MYH2: variants seen among roughly 807,000 people sequenced by gnomAD.
MYH2 encodes myosin-2.
In MYH2, 139 loss-of-function variants were observed where a neutral mutation model predicts 228.1. That is an observed-to-expected ratio of 0.61 (90% CI 0.53 to 0.70). The LOEUF is 0.70. Ranked by LOEUF, MYH2 falls within the 30% of genes least tolerant of loss-of-function variation. MYH2 has a pLI of 0.00. For synonymous variants in MYH2, 796 were observed against 871.1 expected, an observed-to-expected ratio of 0.91 and a Z score of 1.52; for missense variants, 1,809 against 2,357.5, an observed-to-expected ratio of 0.77 and a Z score of 4.82.
chr17:10,527,478 A>G (rs1326360451), intron 28 of MYH2, among the ~76,000 whole-genome samples: 3 of 152,190 alleles, frequency 2.0e-5, no homozygotes, highest in Non-Finnish European at 4.4e-5. Context: ...GAAGCCCTGA[A>G]CTCATGCTGG....
intron 8 of MYH2, among the ~76,000 whole-genome samples, chr17:10,543,366 G>A (rs2073582783): frequency 6.6e-6 from 1 of 152,120 alleles, no homozygotes; most frequent in South Asian, 2.1e-4. Context: ...AGTATGTGAA[G>A]TAATGGATAT....
intron 8 of MYH2, among the ~76,000 whole-genome samples, chr17:10,543,371 G>A (rs2073582817): frequency 6.6e-6 from 1 of 152,012 alleles, no homozygotes; most frequent in South Asian, 2.1e-4. Flanking sequence ...GTGAAGTAAT[G>A]GATATGTTAA....
In MYH2 at chr17:10,524,791, A is replaced by G; in HGVS notation, c.4937T>C (p.Leu1646Pro). Residue 1646 changes from leucine (L) to proline (P), a missense_variant, in exon 34 of 40, where the codon CTG (leucine) becomes CCG (proline). Leu to Pro is a moderately conservative substitution (Grantham distance 98). Transcript: ENST00000245503. The surrounding 1 kb of genome is among the most constrained non-coding windows in gnomAD (Gnocchi z 4.7). Reference protein sequence around the residue: ...NHANRMAAEALRNYRNTQGIL... With the variant: ...NHANRMAAEAPRNYRNTQGIL... ...GCCTTGGGTGTTCCTGTAGTTCCTC[A>G]GGGCCTCAGCAGCCATGCGGTTGGC... 3.1e-6 allele frequency: 5 copies of G among 1,614,152 alleles called. No individual in the cohort carries two copies. The highest frequency in any genetic ancestry group is 4.2e-6 in the Non-Finnish European group (5 of 1,180,036).
At chr17:10,539,170 T>A in intron 14 of MYH2, 35 bp downstream of exon 14, 1 of 1,613,802 alleles carries the variant, frequency 6.2e-7, no homozygotes, top group East Asian at 2.2e-5. Flanking sequence ...ATTGCCTTAC[T>A]GTAAAATCCT....
intron 22 of MYH2, among the ~76,000 whole-genome samples, chr17:10,530,278 C>T (rs1481340986): frequency 6.6e-6 from 1 of 152,162 alleles, no homozygotes; most frequent in East Asian, 1.9e-4. Context: ...CATTTTGTTC[C>T]CCTAAAAGAA....
intron 21 of MYH2, 138 bp downstream of exon 21, chr17:10,533,147 A>T (rs2073443650): frequency 1.6e-6 from 2 of 1,285,664 alleles, no homozygotes; most frequent in African/African-American, 1.5e-5. Flanking sequence ...GTTTTCTGGT[A>T]CATGTGTATT....
At position 10,531,657 on chromosome 17, in the gene MYH2, A is replaced by AT. The variant is rs763860580; in HGVS notation, c.2672dup (p.Asn891LysfsTer2). Reference sequence around the variant, plus strand: ...CAGCCTGAACTTGGAGCTGCAAGTCATTTTTTTCTTTCAACAGCGTCACCA... The same window carrying AT: ...CAGCCTGAACTTGGAGCTGCAAGTCATTTTTTTTCTTTCAACAGCGTCACCA... On this transcript the variant is annotated frameshift_variant, in exon 22 of 40. Transcript: ENST00000245503. LOFTEE classifies it high-confidence loss of function. 4.3e-6 allele frequency: 7 copies of AT among 1,613,890 alleles called. No individual in the cohort carries two copies. The highest frequency in any genetic ancestry group is 5.9e-6 in the Non-Finnish European group (7 of 1,180,004).
Position 10,526,655 on chromosome 17 carries a change from C to G in MYH2, c.4131G>C (p.Trp1377Cys). The change falls in exon 30 of 40, where the codon TGG becomes TGC. Residue 1377 changes from tryptophan (W) to cysteine (C), a missense_variant. By Grantham distance (215) the Trp-to-Cys change is radical. Transcript: ENST00000245503. The part of the protein sequence containing the change: ...LSKANTEVAQ[W>C]RTKYETDAIQ... Reference sequence around the variant, plus strand: ...TGGCGTCCGTCTCGTATTTGGTCCTCCATTGGGCAACCTCGGTGTTGGCCT... The same window carrying G: ...TGGCGTCCGTCTCGTATTTGGTCCTGCATTGGGCAACCTCGGTGTTGGCCT... 6.2e-7 allele frequency: 1 copy of G among 1,614,054 alleles called. No individual in the cohort carries two copies. The highest frequency in any genetic ancestry group is 8.5e-7 in the Non-Finnish European group (1 of 1,179,896).
In MYH2 at chr17:10,543,084, A is replaced by C. The variant is rs202055746; in HGVS notation, c.805+14T>G. On this transcript the variant is annotated intron_variant, in intron 9 of 39. Transcript: ENST00000245503. ...ATGAATCAGAAATGATTTTAAAGAT[A>C]TCTGAACACTTACATGTTTCAATAT... The C allele has an allele frequency of 6.2e-7, 1 of 1,607,770 alleles. No homozygotes were observed. Among genetic ancestry groups the C allele is most frequent in the Admixed American group, 1.7e-5 (1 of 60,014 alleles).
chr17:10,545,716 C>A (rs1471562119), intron 4 of MYH2, among the ~76,000 whole-genome samples: 1 of 152,120 alleles, frequency 6.6e-6, no homozygotes, highest in East Asian at 1.9e-4. Context: ...AGGCATGCAT[C>A]ACCATGCCCA....
In MYH2 at chr17:10,540,577, T is replaced by G; in HGVS notation, c.1008+17A>C. 6.4e-7 allele frequency: 1 copy of G among 1,571,220 alleles called. No homozygotes were observed. The highest frequency in any genetic ancestry group is 1.1e-5 in the South Asian group (1 of 90,082). ...TGACCCACCATAATAATTCCAATTTTCTTGTGTTCTACTTACATCTGTGGC... is the reference window on the plus strand; with the variant it reads ...TGACCCACCATAATAATTCCAATTTGCTTGTGTTCTACTTACATCTGTGGC... On this transcript the variant is annotated intron_variant, in intron 11 of 39. Transcript: ENST00000245503.
intron 22 of MYH2, 63 bp from the exon 23 acceptor site, chr17:10,530,137 G>C: frequency 6.2e-7 from 1 of 1,611,598 alleles, no homozygotes; most frequent in East Asian, 2.2e-5. Context: ...ATGGATAAGA[G>C]TGTATGTTTC....
At chr17:10,539,603 A>G in intron 12 of MYH2, 41 bp from the exon 13 acceptor site, 1 of 1,552,948 alleles carries the variant, frequency 6.4e-7, no homozygotes, top group Non-Finnish European at 8.9e-7. Context: ...TTGTGGCCCA[A>G]AGAAACCCAC....
rs762340171 is a variant in MYH2, at chr17:10,525,264, T to C, written c.4622A>G (p.Gln1541Arg). Residue 1541 changes from glutamine to arginine, a missense_variant, in exon 33 of 40, where the codon CAA becomes CGA. Coordinates refer to ENST00000245503, the MANE Select transcript of MYH2 (RefSeq NM_017534.6). This position sits in a 1 kb window ranked among gnomAD's most constrained non-coding sequence, Gnocchi z 4.2. ...ELEKIKKQVE[Q>R]EKCELQAALE... ...AGCAGCCTGAAGTTCACACTTTTCT[T>C]GTTCCACTTGTTTCTTTATTTTCTC... The C allele has an allele frequency of 1.9e-6, 3 of 1,614,214 alleles. No homozygotes were observed. Among genetic ancestry groups the C allele is most frequent in the Non-Finnish European group, 2.5e-6 (3 of 1,180,024 alleles).
At position 10,531,732 on chromosome 17, in the gene MYH2, T is replaced by C. The variant is rs1162237225; in HGVS notation, c.2598A>G (p.Lys866=). The C allele has an allele frequency of 1.2e-6, 2 of 1,614,240 alleles. No individual in the cohort carries two copies. The highest frequency in any genetic ancestry group is 3.3e-5 in the Admixed American group (2 of 60,032). The change falls in exon 22 of 40, where the codon AAA becomes AAG. Residue 866 remains lysine, a synonymous_variant. Coordinates refer to ENST00000245503, the MANE Select transcript of MYH2 (RefSeq NM_017534.6). ...ATMKEEFQKI[K]DELAKSEAKR... ...TTGCCTCTGACTTGGCAAGTTCGTC[T>C]TTAATTTTCTGAAATTCTTCCTTCA...
Position 10,545,513 on chromosome 17 carries a change from G to GA in MYH2, c.349-12dup. The GA allele has an allele frequency of 6.2e-7, 1 of 1,613,944 alleles. No homozygotes were observed. The highest frequency in any genetic ancestry group is 8.5e-7 in the Non-Finnish European group (1 of 1,179,870). ...GAGACCTGAATAGGTCTATGAGAAG[G>GA]AAAAAGAATAAGTACCCAAAGACCT... is the stretch of plus-strand genomic sequence containing the variant. On this transcript the variant is annotated splice_polypyrimidine_tract_variant and intron_variant, in intron 4 of 39. Transcript: ENST00000245503.
At chr17:10,544,184 A>T in intron 5 of MYH2, 57 bp from the exon 6 acceptor site, 1 of 1,584,950 alleles carries the variant, frequency 6.3e-7, no homozygotes, top group South Asian at 1.1e-5. Flanking sequence ...GTAAATGATA[A>T]GTAAAGTAAA....
At position 10,529,645 on chromosome 17, in the gene MYH2, G is replaced by A. The variant is rs775297978; in HGVS notation, c.3036C>T (p.Thr1012=). The A allele has an allele frequency of 4.3e-6, 7 of 1,613,950 alleles. No individual in the cohort carries two copies. In the South Asian group the frequency reaches 6.6e-5, roughly 15 times the overall value. Residue 1012 remains threonine (T), a synonymous_variant, in exon 24 of 40, where the codon ACC becomes ACT. Coordinates refer to ENST00000245503, the MANE Select transcript of MYH2 (RefSeq NM_017534.6). ...KKALQEAHQQ[T]LDDLQAEEDK... is the part of the protein sequence containing the mutation. The stretch of plus-strand genomic sequence containing the variant: ...CCTCCTCTGCCTGCAGGTCATCCAG[G>A]GTCTGCTGGTGGGCCTCCTGGAGAG...
In MYH2 at chr17:10,531,656, C is replaced by T. The variant is rs1256421951; in HGVS notation, c.2674G>A (p.Asp892Asn). 4.3e-6 allele frequency: 7 copies of T among 1,614,068 alleles called. No homozygotes were observed. Among genetic ancestry groups the T allele is most frequent in the Non-Finnish European group, 5.9e-6 (7 of 1,180,036 alleles). ...ACAGCCTGAACTTGGAGCTGCAAGTCATTTTTTTCTTTCAACAGCGTCACC... is the reference window on the plus strand; with the variant it reads ...ACAGCCTGAACTTGGAGCTGCAAGTTATTTTTTTCTTTCAACAGCGTCACC... The part of the protein sequence containing the change: ...KMVTLLKEKN[D>N]LQLQVQAEAE... The change falls in exon 22 of 40, where the codon GAC becomes AAC. Residue 892 changes from aspartate (D) to asparagine (N), a missense_variant. Asp to Asn is a conservative substitution (Grantham distance 23). Around this residue, in one of 9 missense-constraint regions of MYH2, gnomAD observed 276 missense variants for 344.2 expected, o/e 0.80. Coordinates refer to ENST00000245503, the MANE Select transcript of MYH2 (RefSeq NM_017534.6).
Sources: gnomAD v4.1 joint callset for allele counts (sites outside exome capture counted in the v4.1 genomes callset) on GRCh38, gnomAD v4.1.1 for gene constraint, gnomAD v4.1.1 regional missense constraint, Gnocchi (gnomAD v3.1) non-coding constraint, MANE v1.5 for transcripts, NCBI Gene and HGNC (gene_info 2026-07-23, HGNC 2026-07-21) for gene names.